Variants in NAA15 observed in about 807,000 individuals in gnomAD.
NAA15 encodes N-alpha-acetyltransferase 15, NatA auxiliary subunit, also known as N-terminal acetyltransferase.
Under a neutral mutation model 114.0 loss-of-function variants are expected in NAA15, and 34 were observed. The observed-to-expected ratio is 0.30, with a 90% CI of 0.23 to 0.40. The LOEUF is 0.40. Ranked by LOEUF, NAA15 falls within the 10% of genes least tolerant of loss-of-function variation. The pLI is 1.00. For missense variants in NAA15, 658 were observed against 1,004.5 expected, an observed-to-expected ratio of 0.66 and a Z score of 4.66; for synonymous variants, 340 against 338.0, an observed-to-expected ratio of 1.01 and a Z score of -0.06.
rs147452755 is a variant in NAA15 at position 139,314,998 on chromosome 4, CAGTTT to C, written c.54+13175_54+13179del. On this transcript the variant is annotated intron_variant, in intron 1 of 19. Transcript: ENST00000296543. ...GCCTAGAGAAGCGTTCAGTTCAGTT[CAGTTT>C]AGTTTAGGTTAGGTTAGGTTAGGTT... Among the ~76,000 whole-genome samples, 59 of 66,664 alleles carry C rather than the reference CAGTTT, an allele frequency of 8.9e-4. 3 individuals carry two copies. Among genetic ancestry groups the C allele is most frequent in the Non-Finnish European group, 1.5e-3 (50 of 32,776 alleles). 43.7% of individuals were successfully genotyped at this position (66,664 alleles called of 152,430 possible).
Position 139,334,273 on chromosome 4 carries a change from A to G in NAA15, c.139+15A>G. 1.3e-6 allele frequency: 2 copies of G among 1,537,488 alleles called. No individual in the cohort carries two copies. Among genetic ancestry groups the G allele is most frequent in the Non-Finnish European group, 1.8e-6 (2 of 1,128,134 alleles). Reference sequence around the variant, plus strand: ...AGAGCATGGAGGTAAGTGCAAGTAGATAAAGCTTTACTACATACCTGTCTG... The same window carrying G: ...AGAGCATGGAGGTAAGTGCAAGTAGGTAAAGCTTTACTACATACCTGTCTG... On this transcript the variant is annotated intron_variant, in intron 2 of 19. Coordinates refer to ENST00000296543, the MANE Select transcript of NAA15 (RefSeq NM_057175.5).
In NAA15 at chr4:139,345,265, T is replaced by C. The variant is rs767475053; in HGVS notation, c.691+926T>C. Among the ~76,000 whole-genome samples the C allele has an allele frequency of 5.3e-5, 8 of 152,312 alleles. No individual in the cohort carries two copies. The Middle Eastern group carries it at 0.017, about 324-fold the overall frequency. On this transcript the variant is annotated intron_variant, in intron 6 of 19. Coordinates refer to ENST00000296543, the MANE Select transcript of NAA15 (RefSeq NM_057175.5). The stretch of plus-strand genomic sequence containing the variant: ...TGTGAACTGCAGATCCAAGACAACC[T>C]TCTTTCATTTGAAGTAGTCATTCTT...
intron 17 of NAA15, chr4:139,379,304 G>A (rs1748677960): frequency 6.6e-6 from 1 of 152,266 alleles, no homozygotes; most frequent in South Asian, 2.1e-4. Context: ...ACAATTATCT[G>A]TATCTTCAAA....
chr4:139,357,745 C>A (rs1748002662), intron 11 of NAA15, among the ~76,000 whole-genome samples, 190 bp downstream of exon 11: 1 of 152,154 alleles, frequency 6.6e-6, no homozygotes, highest in Non-Finnish European at 1.5e-5. Flanking sequence ...GGTGATTTAT[C>A]TATATCCGTA....
chr4:139,317,553 G>A (rs1746452918), intron 1 of NAA15, among the ~76,000 whole-genome samples: 1 of 152,108 alleles, frequency 6.6e-6, no homozygotes, highest in Non-Finnish European at 1.5e-5. Flanking sequence ...CCCGGGAGGC[G>A]GAGGTTAGAG....
chr4:139,358,563 A>T (rs1162201749), intron 11 of NAA15, among the ~76,000 whole-genome samples: 1 of 151,940 alleles, frequency 6.6e-6, no homozygotes, highest in Non-Finnish European at 1.5e-5. Flanking sequence ...TTTTTAAAAA[A>T]ATTATACTTT....
chr4:139,328,882 TCAGA>T (rs1232217029), intron 1 of NAA15, among the ~76,000 whole-genome samples: 6 of 143,424 alleles, frequency 4.2e-5, no homozygotes, highest in Non-Finnish European at 7.6e-5. Flanking sequence ...TTTTTTTTCC[TCAGA>T]CAGAGTCTTG....
intron 19 of NAA15, among the ~76,000 whole-genome samples, chr4:139,387,495 A>G (rs1218268472): frequency 5.9e-5 from 9 of 152,246 alleles, no homozygotes; most frequent in African/African-American, 1.9e-4. Context: ...GCATATGTGC[A>G]GTAATTGGTA....
intron 2 of NAA15, among the ~76,000 whole-genome samples, chr4:139,335,336 A>G (rs907981327): frequency 2.0e-5 from 3 of 152,090 alleles, no homozygotes; most frequent in Non-Finnish European, 4.4e-5. Context: ...TTATTTCTGA[A>G]ATGCAGTTTT....
At chr4:139,361,404 A>C (rs1748128562) in intron 13 of NAA15, among the ~76,000 whole-genome samples, 1 of 152,178 alleles carries the variant, frequency 6.6e-6, no homozygotes, top group Admixed American at 6.5e-5. Context: ...TTGCACTACT[A>C]TGTAAATAAA....
intron 1 of NAA15, 103 bp downstream of exon 1, chr4:139,301,934 G>A (rs1006520281): frequency 4.7e-6 from 6 of 1,279,952 alleles, no homozygotes. Flanking sequence ...TCCCGCCCGG[G>A]ACCCCGCCTT....
At chr4:139,341,103 A>G (rs1427864386) in intron 4 of NAA15, 34 bp downstream of exon 4, 3 of 1,400,816 alleles carry the variant, frequency 2.1e-6, no homozygotes, top group Non-Finnish European at 2.8e-6. Flanking sequence ...TTTTAATTCT[A>G]AGGGGAAAAT....
rs1179904078 is a variant in NAA15, at chr4:139,361,829, C to T, written c.1645C>T (p.Arg549Ter). ...VDLLKLEDVL[R>*]QHPFYFKAAR... is the part of the protein sequence containing the mutation. ...CTTATTAAAACTAGAAGATGTACTTCGACAGCATCCATTTTACTTCAAGGC... is the reference window on the plus strand; with the variant it reads ...CTTATTAAAACTAGAAGATGTACTTTGACAGCATCCATTTTACTTCAAGGC... Residue 549 changes from arginine (R) to a stop codon, truncating the protein, a stop_gained, in exon 14 of 20, where the codon CGA becomes TGA. Coordinates refer to ENST00000296543, the MANE Select transcript of NAA15 (RefSeq NM_057175.5). LOFTEE classifies it high-confidence loss of function. 6.2e-7 allele frequency: 1 copy of T among 1,613,150 alleles called. No homozygotes were observed. Among genetic ancestry groups the T allele is most frequent in the Non-Finnish European group, 8.5e-7 (1 of 1,179,342 alleles).
chr4:139,323,939 C>G (rs1044203815), intron 1 of NAA15, among the ~76,000 whole-genome samples: 4 of 152,144 alleles, frequency 2.6e-5, no homozygotes, highest in Non-Finnish European at 2.9e-5. Flanking sequence ...GCAAGTCTTG[C>G]TGTTGCCCAG....
chr4:139,326,642 A>G lies in NAA15; in HGVS notation c.55-7532A>G, dbSNP rs148241319. Among the ~76,000 whole-genome samples, 1,294 of 152,310 alleles carry G rather than the reference A, an allele frequency of 8.5e-3. 19 individuals are homozygous for G. Among genetic ancestry groups the G allele is most frequent in the African/African-American group, 0.03 (1,240 of 41,564 alleles). ...CCGTTCATAGTGTTTCTGTTATATA[A>G]AAATTACCTTGGAATGTAATGCTAG... On this transcript the variant is annotated intron_variant, in intron 1 of 19. Coordinates refer to ENST00000296543, the MANE Select transcript of NAA15 (RefSeq NM_057175.5).
intron 17 of NAA15, among the ~76,000 whole-genome samples, chr4:139,381,985 G>A (rs918952210): frequency 6.6e-6 from 1 of 152,116 alleles, no homozygotes; most frequent in Non-Finnish European, 1.5e-5. Context: ...TGAGTTAGTA[G>A]GGGATTTGCT....
At chr4:139,375,816 T>C (rs1449567561) in intron 15 of NAA15, among the ~76,000 whole-genome samples, 1 of 150,202 alleles carries the variant, frequency 6.7e-6, no homozygotes, top group African/African-American at 2.5e-5. Context: ...TAAAAATTGG[T>C]AGGAACACAG....
intron 1 of NAA15, among the ~76,000 whole-genome samples, chr4:139,304,703 A>T (rs1745949815): frequency 6.6e-6 from 1 of 152,152 alleles, no homozygotes; most frequent in Non-Finnish European, 1.5e-5. Context: ...GGATAATGAG[A>T]GCTGACTGTA....
intron 1 of NAA15, among the ~76,000 whole-genome samples, chr4:139,326,715 A>T (rs1394337983): frequency 6.6e-6 from 1 of 152,208 alleles, no homozygotes; most frequent in Admixed American, 6.5e-5. Flanking sequence ...CTTTTAACAG[A>T]TGAGGCCTAG....
Sources: allele counts gnomAD v4.1 joint callset (sites outside exome capture counted in the v4.1 genomes callset), GRCh38; gene constraint gnomAD v4.1.1; transcripts MANE v1.5; gene names NCBI Gene and HGNC (gene_info 2026-07-23, HGNC 2026-07-21).